The following SORBS2 variants were observed in gnomAD, a reference collection of about 807,000 sequenced individuals.
SORBS2 encodes the protein sorbin and SH3 domain containing 2, also known as sorbin and SH3 domain-containing protein 2.
A neutral mutation model predicts 97.7 loss-of-function variants in SORBS2; 46 were observed. The observed-to-expected ratio is 0.47, with a 90% CI of 0.37 to 0.60. SORBS2 has a LOEUF of 0.60. SORBS2 is among the 20% of genes least tolerant of loss of function. SORBS2 has a pLI of 0.00. For missense variants in SORBS2, 1,316 were observed against 1,282.3 expected (o/e 1.03, Z -0.40); for synonymous variants, 476 against 473.4 (o/e 1.01, Z -0.07).
chr4:185,955,350 CTG>C (rs1300084340), intron 1 of SORBS2, among the ~76,000 whole-genome samples: 11 of 152,186 alleles, frequency 7.2e-5, no homozygotes, highest in Admixed American at 3.9e-4. Flanking sequence ...TAGACAGAAA[CTG>C]AATCTTGCCT....
intron 1 of SORBS2, among the ~76,000 whole-genome samples, chr4:185,824,174 C>G (rs1377227208): frequency 6.6e-6 from 1 of 152,150 alleles, no homozygotes; most frequent in Non-Finnish European, 1.5e-5. Context: ...GTGTGGGCAG[C>G]CCCATCCTCT....
intron 1 of SORBS2, among the ~76,000 whole-genome samples, chr4:185,864,140 T>C (rs1309825548): frequency 6.6e-6 from 1 of 152,202 alleles, no homozygotes; most frequent in Non-Finnish European, 1.5e-5. Context: ...CCATTATTAC[T>C]ATCAACTGGA....
At chr4:185,847,909 C>G (rs926018076) in intron 1 of SORBS2, among the ~76,000 whole-genome samples, 5 of 152,162 alleles carry the variant, frequency 3.3e-5, no homozygotes, top group African/African-American at 1.2e-4. Flanking sequence ...TCTCAGATTA[C>G]AGCTATCAGT....
At chr4:185,851,108 C>T (rs1189414129) in intron 1 of SORBS2, among the ~76,000 whole-genome samples, 1 of 152,154 alleles carries the variant, frequency 6.6e-6, no homozygotes, top group Non-Finnish European at 1.5e-5. Context: ...TATAATAAAT[C>T]TCCATATTTA....
intron 1 of SORBS2, among the ~76,000 whole-genome samples, chr4:185,941,506 A>G (rs760190221): frequency 1.9e-4 from 29 of 152,228 alleles, no homozygotes; most frequent in Non-Finnish European, 4.1e-4. Context: ...TCTTGAACGA[A>G]TGAAGAGTTC....
chr4:185,923,497 C>CTTTTTTT (rs1579514678), intron 1 of SORBS2, among the ~76,000 whole-genome samples: 1 of 32,406 alleles, frequency 3.1e-5, no homozygotes, highest in Non-Finnish European at 8.1e-5. Flanking sequence ...AGAGACAGGA[C>CTTTTTTT]TTTGGTATGT....
intron 1 of SORBS2, among the ~76,000 whole-genome samples, chr4:185,910,820 A>G (rs182576947): frequency 6.6e-6 from 1 of 152,342 alleles, no homozygotes; most frequent in East Asian, 1.9e-4. Flanking sequence ...TGTATTATAT[A>G]TGAGAAATAA....
At chr4:185,811,161 A>C (rs2099181391) in intron 1 of SORBS2, 1 of 152,240 alleles carries the variant, frequency 6.6e-6, no homozygotes, top group South Asian at 2.1e-4. Context: ...AGCAAGTACA[A>C]AATCCACTGG....
chr4:185,751,190 A>AAAAAAAAAAAAAAAACAAAAAG lies in SORBS2; in HGVS notation c.-198+24036_-198+24037insCTTTTTGTTTTTTTTTTTTTTT. 2.3e-5 allele frequency among the ~76,000 whole-genome samples: 2 copies of AAAAAAAAAAAAAAAACAAAAAG among 86,426 alleles called. 1 individual carries two copies. Among genetic ancestry groups the AAAAAAAAAAAAAAAACAAAAAG allele is most frequent in the Non-Finnish European group, 5.0e-5 (2 of 39,702 alleles). The allele number at this position is 86,426 out of a possible 152,430, so 56.7% of individuals were successfully genotyped here. A position where few individuals can be genotyped will look rare whatever the true frequency, so the allele number is the denominator to read the frequency against. On this transcript the variant is annotated intron_variant, in intron 2 of 20. Transcript: ENST00000284776. ...TAAATACTAAAAAAAAAAAAAAAAA[A>AAAAAAAAAAAAAAAACAAAAAG]AGAGAAAGAGAGAGAAATTCAGGAA...
intron 1 of SORBS2, among the ~76,000 whole-genome samples, chr4:185,879,469 G>T (rs1056044640): frequency 8.2e-4 from 125 of 152,238 alleles, no homozygotes; most frequent in Admixed American, 1.4e-3. Context: ...GAATAGTGCT[G>T]CAATAAACAT....
chr4:185,762,273 G>T (rs1161499337), intron 2 of SORBS2, among the ~76,000 whole-genome samples: 1 of 152,208 alleles, frequency 6.6e-6, no homozygotes. Context: ...CAGGGTGGGA[G>T]TTGGAAAGTG....
At chr4:185,781,874 G>A (rs112200266) in intron 1 of SORBS2, among the ~76,000 whole-genome samples, 4 of 152,328 alleles carry the variant, frequency 2.6e-5, no homozygotes, top group East Asian at 1.9e-4. Flanking sequence ...GCGTAGCCCC[G>A]CCACCCCCTT....
intron 2 of SORBS2, among the ~76,000 whole-genome samples, chr4:185,768,715 A>AAC (rs2098951904): frequency 4.3e-5 from 6 of 140,914 alleles, no homozygotes; most frequent in African/African-American, 1.4e-4. Context: ...AAAAAAACAA[A>AAC]AAAACAAAAA....
rs532534703 is a variant in SORBS2, at chr4:185,864,948, T to A, written c.-337-89582A>T. On this transcript the variant is annotated intron_variant, in intron 1 of 20. Coordinates refer to the SORBS2 transcript ENST00000284776. ...AAAAAGAAAAGCATATCCTGGACGG[T>A]GGGTTGTGTGTACTGAGAATGGGGG... Among the ~76,000 whole-genome samples, 17 of 148,500 alleles carry A rather than the reference T, an allele frequency of 1.1e-4. No individual in the cohort carries two copies. The South Asian group carries it at 3.6e-3, about 32-fold the overall frequency.
intron 7 of SORBS2, among the ~76,000 whole-genome samples, chr4:185,622,310 G>A (rs1021194868): frequency 1.3e-5 from 2 of 152,092 alleles, no homozygotes; most frequent in Admixed American, 1.3e-4. Context: ...ACTAAATGGT[G>A]GAAATGGGAC....
intron 2 of SORBS2, among the ~76,000 whole-genome samples, chr4:185,769,271 C>G (rs1378343476): frequency 1.3e-5 from 2 of 152,068 alleles, no homozygotes; most frequent in Non-Finnish European, 2.9e-5. Context: ...ATCCAAATAG[C>G]CTGAAGGTAA....
At chr4:185,704,267 A>G (rs1029664141) in intron 2 of SORBS2, among the ~76,000 whole-genome samples, 3 of 152,146 alleles carry the variant, frequency 2.0e-5, no homozygotes, top group Non-Finnish European at 2.9e-5. Flanking sequence ...CCATTTTTCC[A>G]GTATTCCTCA....
chr4:185,750,144 G>C (rs2098790599), intron 2 of SORBS2, among the ~76,000 whole-genome samples: 1 of 152,238 alleles, frequency 6.6e-6, no homozygotes, highest in Admixed American at 6.5e-5. Context: ...CCCCTGCCCT[G>C]CCACTCACTA....
intron 1 of SORBS2, among the ~76,000 whole-genome samples, chr4:185,845,531 C>T (rs1353637713): frequency 6.6e-6 from 1 of 151,996 alleles, no homozygotes; most frequent in Non-Finnish European, 1.5e-5. Flanking sequence ...TTATATTGCA[C>T]ACAAATTGCA....
Sources: gnomAD v4.1 joint callset for allele counts (sites outside exome capture counted in the v4.1 genomes callset) on GRCh38, gnomAD v4.1.1 for gene constraint, MANE v1.5 for transcripts, NCBI Gene and HGNC (gene_info 2026-07-23, HGNC 2026-07-21) for gene names.